Variants in TTC29 observed in about 807,000 individuals in gnomAD.
TTC29 encodes the protein tetratricopeptide repeat protein 29.
Under a neutral mutation model 58.1 loss-of-function variants are expected in TTC29, and 49 were observed. The ratio of observed to expected loss-of-function variants is 0.84; its 90% CI spans 0.67 to 1.07. The LOEUF (loss-of-function observed/expected upper bound fraction) is 1.07, where lower values mean the gene tolerates loss of function less well. Among genes scored for constraint, TTC29 ranks in the 50% least tolerant of loss-of-function variants. The pLI is 0.00. For missense variants in TTC29, 582 were observed against 555.6 expected, an observed-to-expected ratio of 1.05 and a Z score of -0.48; for synonymous variants, 209 against 196.8, an observed-to-expected ratio of 1.06 and a Z score of -0.52.
chr4:146,718,893 C>T (rs898042427), intron 11 of TTC29, among the ~76,000 whole-genome samples: 3 of 152,120 alleles, frequency 2.0e-5, no homozygotes, highest in East Asian at 3.9e-4. Context: ...GTATGATGTG[C>T]GTTAAGGTTC....
At chr4:146,780,586 T>G (rs768527212) in intron 11 of TTC29, among the ~76,000 whole-genome samples, 19 of 152,120 alleles carry the variant, frequency 1.2e-4, no homozygotes, top group Non-Finnish European at 2.1e-4. Context: ...TTCTCTATGA[T>G]TAAGTGTTCT....
intron 11 of TTC29, among the ~76,000 whole-genome samples, chr4:146,800,782 G>A (rs145665364): frequency 3.0e-4 from 46 of 152,262 alleles, no homozygotes; most frequent in African/African-American, 1.0e-3. Flanking sequence ...GCCAAACATC[G>A]TGTCTTCTTT....
At chr4:146,874,560 G>A (rs1054067916) in intron 7 of TTC29, among the ~76,000 whole-genome samples, 156 bp downstream of exon 7, 3 of 152,074 alleles carry the variant, frequency 2.0e-5, no homozygotes, top group Non-Finnish European at 4.4e-5. Context: ...AGGCACCTTC[G>A]TTTTACAGTG....
chr4:146,895,894 GT>G (rs911987338), intron 6 of TTC29, among the ~76,000 whole-genome samples: 14 of 151,212 alleles, frequency 9.3e-5, no homozygotes, highest in African/African-American at 3.4e-4. Context: ...TTTTCTACTT[GT>G]TTTTTTAATA....
chr4:146,756,873 C>T (rs1203091878), intron 11 of TTC29, among the ~76,000 whole-genome samples: 1 of 151,974 alleles, frequency 6.6e-6, no homozygotes, highest in Non-Finnish European at 1.5e-5. Context: ...CCAAAGTTTC[C>T]TAAATTTTTT....
chr4:146,712,710 TTAAGAGA>T (rs1444528600), intron 11 of TTC29, among the ~76,000 whole-genome samples: 2 of 152,062 alleles, frequency 1.3e-5, no homozygotes, highest in Non-Finnish European at 2.9e-5. Flanking sequence ...GAAGGGACTA[TTAAGAGA>T]TGAGGGCAGG....
chr4:146,779,271 G>A (rs1030320251), intron 11 of TTC29, among the ~76,000 whole-genome samples: 2 of 151,988 alleles, frequency 1.3e-5, no homozygotes, highest in Admixed American at 1.3e-4. Context: ...TATACATATT[G>A]AAGAGCAACT....
Position 146,919,147 on chromosome 4 carries a change from A to G in TTC29, c.177-9898T>C, listed in dbSNP as rs1004907339. Among the ~76,000 whole-genome samples, 36 of 151,324 alleles carry G rather than the reference A, an allele frequency of 2.4e-4. No homozygotes were observed. In the East Asian group the frequency reaches 3.9e-3, roughly 16 times the overall value. ...AGCCAAAGATTCCACATGGAAAGAT[A>G]TTAAATGAGTGTTAAAGGAGAATTT... On this transcript the variant is annotated intron_variant, in intron 4 of 12. Transcript: ENST00000325106.
At chr4:146,723,861 G>A (rs1369681482) in intron 11 of TTC29, among the ~76,000 whole-genome samples, 2 of 152,214 alleles carry the variant, frequency 1.3e-5, no homozygotes, top group Non-Finnish European at 2.9e-5. Context: ...AGTCAACTGA[G>A]AAATCCCATT....
Position 146,867,487 on chromosome 4 carries a change from G to C in TTC29, c.885+11C>G. The C allele has an allele frequency of 7.2e-7, 1 of 1,396,190 alleles. No individual in the cohort carries two copies. The allele number at this position is 1,396,190 out of a possible 1,614,324, so 86.5% of individuals were successfully genotyped here. ...AAATTAAAAATGGCAGTGATTAAAA[G>C]TTTAGCTTACTGTTAATGCTGTTTC... On this transcript the variant is annotated intron_variant, in intron 8 of 12. Transcript: ENST00000325106.
Position 146,923,205 on chromosome 4 carries a change from C to T in TTC29, c.177-13956G>A, listed in dbSNP as rs953149434. 2.0e-5 allele frequency among the ~76,000 whole-genome samples: 3 copies of T among 151,446 alleles called. No individual in the cohort carries two copies. In the Admixed American group the frequency reaches 2.0e-4, roughly 10 times the overall value. On this transcript the variant is annotated intron_variant, in intron 4 of 12. Coordinates refer to ENST00000325106, the MANE Select transcript of TTC29 (RefSeq NM_031956.4). ...ATTATCTGAAAAAATTTTTAATTTG[C>T]CCTCACTTTTAATTGAATAAGATAA... is the stretch of plus-strand genomic sequence containing the variant.
At chr4:146,873,561 T>C (rs2150220448) in intron 7 of TTC29, among the ~76,000 whole-genome samples, 1 of 152,324 alleles carries the variant, frequency 6.6e-6, no homozygotes, top group Admixed American at 6.5e-5. Context: ...ACATATCTTT[T>C]CCTAATCAAT....
intron 4 of TTC29, among the ~76,000 whole-genome samples, chr4:146,925,488 T>C (rs1003909353): frequency 1.3e-5 from 2 of 152,170 alleles, no homozygotes; most frequent in African/African-American, 4.8e-5. Context: ...TTCTGAAATT[T>C]TGAGATCTCT....
At chr4:146,771,514 G>A (rs1747725026) in intron 11 of TTC29, among the ~76,000 whole-genome samples, 1 of 151,964 alleles carries the variant, frequency 6.6e-6, no homozygotes, top group Non-Finnish European at 1.5e-5. Flanking sequence ...TGCAGTATTT[G>A]GTTTTCTGTT....
chr4:146,761,165 A>G (rs1485605691), intron 11 of TTC29, among the ~76,000 whole-genome samples: 1 of 151,814 alleles, frequency 6.6e-6, no homozygotes, highest in Non-Finnish European at 1.5e-5. Context: ...TCAAAATCTC[A>G]TAAGTCACCA....
At chr4:146,910,121 T>A (rs1466066078) in intron 4 of TTC29, among the ~76,000 whole-genome samples, 1 of 151,546 alleles carries the variant, frequency 6.6e-6, no homozygotes, top group Admixed American at 6.6e-5. Flanking sequence ...TAAAAAAAAA[T>A]AGGACAAACG....
chr4:146,740,107 G>T (rs1745012444), intron 11 of TTC29, among the ~76,000 whole-genome samples: 1 of 152,174 alleles, frequency 6.6e-6, no homozygotes, highest in African/African-American at 2.4e-5. Flanking sequence ...GGCTCCACAT[G>T]CTGACTGGGG....
intron 2 of TTC29, among the ~76,000 whole-genome samples, chr4:146,943,295 C>T (rs1007361365): frequency 6.7e-6 from 1 of 149,930 alleles, no homozygotes; most frequent in African/African-American, 2.5e-5. Context: ...GCAGGAGCAC[C>T]TTTACTCTTA....
chr4:146,814,468 G>A (rs13149141), intron 10 of TTC29, among the ~76,000 whole-genome samples: 24 of 149,680 alleles, frequency 1.6e-4, no homozygotes, highest in East Asian at 4.0e-4. Flanking sequence ...TGGCTCATAC[G>A]TATAATCCCA....
Sources: allele counts gnomAD v4.1 joint callset (sites outside exome capture counted in the v4.1 genomes callset), GRCh38; gene constraint gnomAD v4.1.1; transcripts MANE v1.5; gene names NCBI Gene and HGNC (gene_info 2026-07-23, HGNC 2026-07-21).